Variants in CAPN5 observed in about 807,000 individuals in gnomAD.
CAPN5 encodes the protein calpain-5.
In CAPN5, 54 loss-of-function variants were observed where a neutral mutation model predicts 73.0. That is an observed-to-expected ratio of 0.74 (90% CI 0.59 to 0.93). The LOEUF is 0.93. Among genes scored for constraint, CAPN5 ranks in the 40% least tolerant of loss-of-function variants. The pLI, the probability that CAPN5 is intolerant of heterozygous loss-of-function variation, is 0.00. For synonymous variants in CAPN5, 335 were observed against 356.9 expected (o/e 0.94, Z 0.69); for missense variants, 785 against 882.9 (o/e 0.89, Z 1.41).
At chr11:77,120,993 C>T (rs1555042736) in intron 10 of CAPN5, 84 bp downstream of exon 10, 1 of 1,315,926 alleles carries the variant, frequency 7.6e-7, no homozygotes, top group Non-Finnish European at 1.1e-6. Context: ...CTCAGAGATG[C>T]TCAGTGTCTC....
intron 9 of CAPN5, chr11:77,120,169 T>TC (rs1950508250): frequency 6.6e-6 from 1 of 152,286 alleles, no homozygotes; most frequent in Admixed American, 6.5e-5. Context: ...CACCTCAGTC[T>TC]CCCTAGTAGT....
intron 1 of CAPN5, among the ~76,000 whole-genome samples, chr11:77,078,781 C>T (rs1949999077): frequency 7.8e-6 from 1 of 128,044 alleles, no homozygotes; most frequent in Non-Finnish European, 1.9e-5. Flanking sequence ...TTTCAGTGTA[C>T]AAGTCTTTTA....
In CAPN5 at chr11:77,084,700, T is replaced by G. The variant is rs148531698; in HGVS notation, c.-35-152T>G. On this transcript the variant is annotated intron_variant, in intron 1 of 12. Transcript: ENST00000648180. ...TCAGGCCGGTCGGTGTCTGTCCCAC[T>G]CTGCTGTATACCAGCTGTGTGACCT... Among the ~76,000 whole-genome samples the G allele has an allele frequency of 5.3e-3, 812 of 152,302 alleles. 14 individuals carry two copies. Among genetic ancestry groups the G allele is most frequent in the African/African-American group, 0.019 (783 of 41,562 alleles).
chr11:77,082,435 C>T (rs1036459873), intron 1 of CAPN5, among the ~76,000 whole-genome samples: 1 of 152,200 alleles, frequency 6.6e-6, no homozygotes, highest in African/African-American at 2.4e-5. Flanking sequence ...CTGGTCTATC[C>T]GTGGCCTTCA....
In CAPN5 at chr11:77,110,109, G is replaced by A. The variant is rs985034708; in HGVS notation, c.298-2480G>A. 3.3e-5 allele frequency among the ~76,000 whole-genome samples: 5 copies of A among 149,934 alleles called. No individual in the cohort carries two copies. The East Asian group carries it at 9.8e-4, about 29-fold the overall frequency. On this transcript the variant is annotated intron_variant, in intron 3 of 12. Transcript: ENST00000648180. ...GGAATGGTAACCCTCACCTTGTATGGAACCGCTCTTTTTTTTTTTTTTGAG... is the reference window on the plus strand; with the variant it reads ...GGAATGGTAACCCTCACCTTGTATGAAACCGCTCTTTTTTTTTTTTTTGAG...
In CAPN5 at chr11:77,112,638, C is replaced by T. The variant is rs1555040945; in HGVS notation, c.347C>T (p.Ala116Val). 3 of 1,614,082 alleles carry T rather than the reference C, an allele frequency of 1.9e-6. No homozygotes were observed. Among genetic ancestry groups the T allele is most frequent in the Middle Eastern group, 1.6e-4 (1 of 6,080 alleles). ...EQEWDPEKPN[A>V]YAGIFHFHFW... ...GAATGGGACCCCGAAAAGCCCAACG[C>T]CTACGCGGGCATCTTCCACTTCCAC... The change falls in exon 4 of 13, where the codon GCC becomes GTC. Residue 116 changes from alanine to valine, a missense_variant. Physicochemically the swap from Ala to Val is moderately conservative, Grantham distance 64. Coordinates refer to ENST00000648180, the MANE Select transcript of CAPN5 (RefSeq NM_004055.5).
Position 77,114,405 on chromosome 11 carries a change from C to A in CAPN5, c.670C>A (p.Arg224=). 1.2e-6 allele frequency: 2 copies of A among 1,614,168 alleles called. No homozygotes were observed. The highest frequency in any genetic ancestry group is 1.6e-4 in the Middle Eastern group (1 of 6,062). ...LFERMLKVHS[R]GGLISASIKA... is the part of the protein sequence containing the mutation. ...TGAGCGCATGTTAAAGGTGCACAGC[C>A]GGGGCGGCCTCATCAGTGCCTCCAT... Residue 224 remains arginine, a synonymous_variant, in exon 5 of 13, where the codon CGG becomes AGG. Coordinates refer to ENST00000648180, the MANE Select transcript of CAPN5 (RefSeq NM_004055.5).
chr11:77,067,752 G>A (rs1949860212), intron 1 of CAPN5, among the ~76,000 whole-genome samples: 1 of 151,248 alleles, frequency 6.6e-6, no homozygotes. Context: ...GTTCCTTTGC[G>A]TTGGGGGTCT....
intron 2 of CAPN5, chr11:77,088,028 G>A: frequency 6.5e-7 from 1 of 1,535,968 alleles, no homozygotes; most frequent in East Asian, 2.4e-5. Context: ...GGAGCTCAGG[G>A]TGTCCGTCCT....
Position 77,103,310 on chromosome 11 carries a change from C to T in CAPN5, c.298-9279C>T, listed in dbSNP as rs2233550. 1.0e-3 allele frequency: 1,624 copies of T among 1,610,602 alleles called. 21 individuals are homozygous for T. In the African/African-American group the frequency reaches 0.019, roughly 19 times the overall value. Reference sequence around the variant, plus strand: ...TGGAGCCCGCCAACCTCAAGGCCTCCGTGGTTTTTAACCAGCTCTGACAGC... The same window carrying T: ...TGGAGCCCGCCAACCTCAAGGCCTCTGTGGTTTTTAACCAGCTCTGACAGC... On this transcript the variant is annotated intron_variant, in intron 3 of 12. Coordinates refer to ENST00000648180, the MANE Select transcript of CAPN5 (RefSeq NM_004055.5).
intron 2 of CAPN5, among the ~76,000 whole-genome samples, chr11:77,089,747 G>A (rs1450455779): frequency 6.6e-6 from 1 of 152,178 alleles, no homozygotes; most frequent in Non-Finnish European, 1.5e-5. Context: ...GGTGGCAGGT[G>A]CCTGTAGTCC....
intron 2 of CAPN5, among the ~76,000 whole-genome samples, chr11:77,093,058 C>T (rs990090134): frequency 1.1e-4 from 16 of 152,262 alleles, no homozygotes; most frequent in African/African-American, 3.9e-4. Context: ...TGACAAGTCA[C>T]AGTCCATCTC....
intron 3 of CAPN5, among the ~76,000 whole-genome samples, chr11:77,097,464 G>GTTTTTTTTTT (rs58077755): frequency 1.6e-3 from 126 of 79,682 alleles, no homozygotes; most frequent in African/African-American, 1.7e-3. Context: ...TTTCCTTCTA[G>GTTTTTTTTTT]TTTTTTTTTT....
intron 1 of CAPN5, among the ~76,000 whole-genome samples, chr11:77,081,121 T>C (rs1412183465): frequency 1.3e-5 from 2 of 152,206 alleles, no homozygotes; most frequent in Non-Finnish European, 2.9e-5. Flanking sequence ...ATCAATGAGC[T>C]TGTCCAGAGT....
intron 2 of CAPN5, 99 bp from the exon 3 acceptor site, chr11:77,093,583 A>AGTCTGTGTCTGTCAT: frequency 7.0e-7 from 1 of 1,438,692 alleles, no homozygotes; most frequent in South Asian, 1.3e-5. Context: ...TCACACAGCA[A>AGTCTGTGTCTGTCAT]GTCTGTGTCT....
At chr11:77,103,816 GA>G (rs1386771425) in intron 3 of CAPN5, among the ~76,000 whole-genome samples, 1 of 152,202 alleles carries the variant, frequency 6.6e-6, no homozygotes, top group Non-Finnish European at 1.5e-5. Flanking sequence ...CCCTTTGCCG[GA>G]GCCTGTGTCT....
intron 3 of CAPN5, among the ~76,000 whole-genome samples, chr11:77,097,282 C>T (rs1183292178): frequency 6.6e-6 from 1 of 152,066 alleles, no homozygotes; most frequent in Non-Finnish European, 1.5e-5. Context: ...TTAGCAGTTC[C>T]TGCTCTTTAG....
intron 1 of CAPN5, among the ~76,000 whole-genome samples, chr11:77,070,463 C>T (rs1949891223): frequency 1.3e-5 from 2 of 152,238 alleles, no homozygotes; most frequent in South Asian, 4.1e-4. Flanking sequence ...TGATTTGTTA[C>T]TCATAGCAGG....
At chr11:77,072,759 G>A (rs782487000) in intron 1 of CAPN5, among the ~76,000 whole-genome samples, 24 of 152,202 alleles carry the variant, frequency 1.6e-4, no homozygotes, top group Non-Finnish European at 3.4e-4. Flanking sequence ...TTTAAACCTT[G>A]AGTCTTGGAG....
Sources: allele counts gnomAD v4.1 joint callset (sites outside exome capture counted in the v4.1 genomes callset), GRCh38; gene constraint gnomAD v4.1.1; transcripts MANE v1.5; gene names NCBI Gene and HGNC (gene_info 2026-07-23, HGNC 2026-07-21).